The following DENND1B variants were observed in gnomAD, a reference collection of about 807,000 sequenced individuals.
DENND1B encodes the protein DENN domain-containing protein 1B.
In DENND1B, 59 loss-of-function variants were observed where a neutral mutation model predicts 90.1. The ratio of observed to expected loss-of-function variants is 0.65; its 90% CI spans 0.53 to 0.81. The LOEUF is 0.81. Ranked by LOEUF, DENND1B falls within the 40% of genes least tolerant of loss-of-function variation. The probability of loss-of-function intolerance (pLI) is 0.00; values close to 1 mark genes in which losing one functional copy is unlikely to be tolerated. For missense variants in DENND1B, 862 were observed against 912.6 expected (o/e 0.94, Z 0.71); for synonymous variants, 337 against 324.6 (o/e 1.04, Z -0.41).
chr1:197,558,074 A>C (rs1004739750), intron 15 of DENND1B, among the ~76,000 whole-genome samples: 3 of 151,886 alleles, frequency 2.0e-5, no homozygotes, highest in African/African-American at 7.2e-5. Flanking sequence ...TAGCATTGTT[A>C]ATAACAATAA....
At chr1:197,575,334 G>A (rs1308870917) in intron 15 of DENND1B, among the ~76,000 whole-genome samples, 2 of 152,070 alleles carry the variant, frequency 1.3e-5, no homozygotes, top group Admixed American at 6.6e-5. Context: ...TGAAAAAAGG[G>A]TCATCATCAC....
chr1:197,510,388 ACAAATAATT>A lies in DENND1B; in HGVS notation c.*63_*71del. 1 of 1,460,392 alleles carries A rather than the reference ACAAATAATT, an allele frequency of 6.8e-7. No homozygotes were observed. Among genetic ancestry groups the A allele is most frequent in the Non-Finnish European group, 9.1e-7 (1 of 1,099,814 alleles). 90.5% of individuals were successfully genotyped at this position (1,460,392 alleles called of 1,614,324 possible). A position where few individuals can be genotyped will look rare whatever the true frequency, so the allele number is the denominator to read the frequency against. The stretch of plus-strand genomic sequence containing the variant: ...TTAAATAGTATGAGTTGCCATTCCT[ACAAATAATT>A]CTGTTTATTATACAGATTGCATTGA... On this transcript the variant is annotated 3_prime_UTR_variant, in exon 23 of 23. Coordinates refer to ENST00000620048, the MANE Select transcript of DENND1B (RefSeq NM_001195215.2).
At chr1:197,593,220 C>T (rs1453031599) in intron 14 of DENND1B, among the ~76,000 whole-genome samples, 1 of 151,372 alleles carries the variant, frequency 6.6e-6, no homozygotes, top group Admixed American at 6.6e-5. Flanking sequence ...AAATCATTTT[C>T]CCTAAAAACT....
At chr1:197,670,356 CTA>C (rs57334582) in intron 5 of DENND1B, among the ~76,000 whole-genome samples, 74,346 of 150,850 alleles carry the variant, frequency 0.49, 18,571 homozygotes, top group East Asian at 0.66. Context: ...GTGAGGTAAG[CTA>C]TAAAATACAG....
chr1:197,731,901 C>T (rs1467507912), intron 2 of DENND1B, among the ~76,000 whole-genome samples: 1 of 152,064 alleles, frequency 6.6e-6, no homozygotes, highest in Non-Finnish European at 1.5e-5. Flanking sequence ...GCAGTACCCA[C>T]CTTGAGAGAT....
chr1:197,775,108 G>GC, intron 1 of DENND1B, 31 bp downstream of exon 1: 2 of 1,249,712 alleles, frequency 1.6e-6, no homozygotes, highest in Non-Finnish European at 2.0e-6. Context: ...AGGGACGCCC[G>GC]CCCCCGACGC....
intron 14 of DENND1B, among the ~76,000 whole-genome samples, chr1:197,585,374 A>G (rs947908989): frequency 9.2e-5 from 14 of 152,338 alleles, no homozygotes; most frequent in African/African-American, 3.4e-4. Context: ...ACTAATAGTA[A>G]CTTTAGTTTT....
chr1:197,657,796 T>C (rs1327006270), intron 6 of DENND1B, among the ~76,000 whole-genome samples: 3 of 152,154 alleles, frequency 2.0e-5, no homozygotes, highest in Non-Finnish European at 4.4e-5. Flanking sequence ...ACATTATTTG[T>C]ACAAACATTT....
chr1:197,748,817 A>G (rs1653065785), intron 2 of DENND1B, among the ~76,000 whole-genome samples: 1 of 152,216 alleles, frequency 6.6e-6, no homozygotes, highest in African/African-American at 2.4e-5. Context: ...ATTTTAAGCC[A>G]CTATGTTTAT....
intron 2 of DENND1B, chr1:197,736,114 G>T: frequency 2.9e-6 from 2 of 697,418 alleles, no homozygotes; most frequent in Non-Finnish European, 5.0e-6. Context: ...CGCTAAACTG[G>T]CAGATTAGAT....
intron 13 of DENND1B, among the ~76,000 whole-genome samples, chr1:197,601,240 T>TTGAA (rs60362927): frequency 0.8 from 120,702 of 151,032 alleles, 48,348 homozygotes; most frequent in East Asian, 0.87. Flanking sequence ...TAAATACCTG[T>TTGAA]TGAATGAATA....
intron 13 of DENND1B, among the ~76,000 whole-genome samples, chr1:197,600,637 T>C (rs904797161): frequency 1.3e-5 from 2 of 151,848 alleles, no homozygotes; most frequent in African/African-American, 4.8e-5. Flanking sequence ...TATTCAGGTA[T>C]TTCTGTTATA....
At chr1:197,611,228 C>G (rs993733975) in intron 12 of DENND1B, among the ~76,000 whole-genome samples, 6 of 150,796 alleles carry the variant, frequency 4.0e-5, no homozygotes, top group Admixed American at 1.3e-4. Context: ...TCAATTGACC[C>G]AAGACTTTGT....
intron 14 of DENND1B, among the ~76,000 whole-genome samples, chr1:197,583,901 T>C (rs1008882013): frequency 6.6e-6 from 1 of 152,186 alleles, no homozygotes; most frequent in African/African-American, 2.4e-5. Context: ...TTTTTTCTAT[T>C]TATTCCTTTG....
chr1:197,625,852 A>C (rs1678654311), intron 10 of DENND1B, among the ~76,000 whole-genome samples: 1 of 152,132 alleles, frequency 6.6e-6, no homozygotes, highest in African/African-American at 2.4e-5. Context: ...GGAAAACAAA[A>C]AAAGGCAGAG....
At chr1:197,728,532 T>C (rs1021210390) in intron 2 of DENND1B, among the ~76,000 whole-genome samples, 8 of 152,240 alleles carry the variant, frequency 5.3e-5, no homozygotes, top group African/African-American at 1.4e-4. Flanking sequence ...ACACCAATGC[T>C]AAAAGTTTCA....
At chr1:197,599,258 A>C (rs981863518) in intron 13 of DENND1B, among the ~76,000 whole-genome samples, 3 of 151,830 alleles carry the variant, frequency 2.0e-5, no homozygotes, top group Non-Finnish European at 2.9e-5. Context: ...AGTTTTTCTG[A>C]GAAGTAACAG....
intron 14 of DENND1B, among the ~76,000 whole-genome samples, chr1:197,592,999 T>A (rs910266897): frequency 2.6e-5 from 4 of 152,096 alleles, no homozygotes; most frequent in African/African-American, 7.2e-5. Context: ...GCCCTTTTTT[T>A]AAATATCAAC....
intron 2 of DENND1B, among the ~76,000 whole-genome samples, chr1:197,745,119 T>C (rs1197245720): frequency 6.6e-6 from 1 of 152,232 alleles, no homozygotes; most frequent in Admixed American, 6.5e-5. Context: ...TCCAGACCAC[T>C]AAAACTTTCT....
Sources: gnomAD v4.1 joint callset for allele counts (sites outside exome capture counted in the v4.1 genomes callset) on GRCh38, gnomAD v4.1.1 for gene constraint, MANE v1.5 for transcripts, NCBI Gene and HGNC (gene_info 2026-07-23, HGNC 2026-07-21) for gene names.